Variants in ELMO2 observed in about 807,000 individuals in gnomAD.
The protein encoded by ELMO2 is engulfment and cell motility 2, also known as engulfment and cell motility protein 2.
In ELMO2, 37 loss-of-function variants were observed where a neutral mutation model predicts 96.2. The observed-to-expected ratio is 0.38, with a 90% confidence interval of 0.30 to 0.51. The LOEUF (loss-of-function observed/expected upper bound fraction) is 0.51. ELMO2 is among the 20% of genes least tolerant of loss of function. ELMO2 has a pLI of 0.88. For synonymous variants in ELMO2, 315 were observed against 329.4 expected (o/e 0.96, Z 0.47); for missense variants, 561 against 912.6 (o/e 0.61, Z 4.96).
Position 46,393,143 on chromosome 20 carries a change from T to A in ELMO2, c.193A>T (p.Thr65Ser), listed in dbSNP as rs1164888867. Residue 65 changes from threonine (T) to serine (S), a missense_variant and splice_region_variant, in exon 6 of 22, where the codon ACT becomes TCT. Transcript: ENST00000290246. ...GTCCCATTCTTAATGTCACTGCGAG[T>A]CTGGGTAGTGAAAAATAAACAAAAA... is the stretch of plus-strand genomic sequence containing the variant. ...DGPQLYITEQ[T>S]RSDIKNGTIL... The A allele has an allele frequency of 6.2e-7, 1 of 1,613,738 alleles. No individual in the cohort carries two copies. Among genetic ancestry groups the A allele is most frequent in the East Asian group, 2.2e-5 (1 of 44,890 alleles).
intron 7 of ELMO2, among the ~76,000 whole-genome samples, chr20:46,388,037 T>C (rs1244328848): frequency 1.3e-5 from 2 of 152,248 alleles, no homozygotes; most frequent in Non-Finnish European, 2.9e-5. Context: ...CTTTTTTCTC[T>C]TCTCCTTATA....
rs1568747792 is a variant in ELMO2 at position 46,371,442 on chromosome 20, G to T, written c.1711C>A (p.Arg571=). ...AGGACCTTGTGGTTCAGTGCCAACC[G>T]GCAGTACCAGAACCGTTCTGGAACA... is the stretch of plus-strand genomic sequence containing the variant. ...RRRQERFWYC[R]LALNHKVLHY... is the part of the protein sequence containing the mutation. Residue 571 remains arginine (R), a synonymous_variant, in exon 19 of 22, where the codon CGG becomes AGG. Transcript: ENST00000290246. This position sits in a 1 kb window ranked among gnomAD's most constrained non-coding sequence, Gnocchi z 5.9. 5 of 1,614,230 alleles carry T rather than the reference G, an allele frequency of 3.1e-6. No homozygotes were observed. Among genetic ancestry groups the T allele is most frequent in the Non-Finnish European group, 4.2e-6 (5 of 1,180,038 alleles).
chr20:46,371,502 T>TGTGCCCA lies in ELMO2; in HGVS notation c.1694-44_1694-43insTGGGCAC, dbSNP rs2059706342. 1.8e-5 allele frequency: 29 copies of TGTGCCCA among 1,612,604 alleles called. No individual in the cohort carries two copies. Among genetic ancestry groups the TGTGCCCA allele is most frequent in the Non-Finnish European group, 2.4e-5 (28 of 1,178,838 alleles). ...CCAAACAGGTGAGCAACGACAGTAC[T>TGTGCCCA]GGGAAAGGCCTGGGCACAAAAGGGG... On this transcript the variant is annotated intron_variant, in intron 18 of 21. Coordinates refer to ENST00000290246, the MANE Select transcript of ELMO2 (RefSeq NM_133171.5). The surrounding 1 kb of genome is among the most constrained non-coding windows in gnomAD (Gnocchi z 5.9).
At chr20:46,400,638 A>T (rs2060320372) in intron 1 of ELMO2, among the ~76,000 whole-genome samples, 1 of 152,248 alleles carries the variant, frequency 6.6e-6, no homozygotes, top group South Asian at 2.1e-4. Flanking sequence ...GATGATTTGG[A>T]AAACTCAAAA....
intron 1 of ELMO2, among the ~76,000 whole-genome samples, chr20:46,400,128 A>C (rs2145857132): frequency 6.6e-6 from 1 of 152,288 alleles, no homozygotes; most frequent in East Asian, 1.9e-4. Context: ...ACAAAGTGAG[A>C]TCCTGTCTCT....
Position 46,383,431 on chromosome 20 carries a change from A to G in ELMO2, c.741T>C (p.Pro247=). ...AGCCACAGACCTGTCGTTTGTCCTCAGGAGCCTTCAGAAAAAGTGCATTAA... is the reference window on the plus strand; with the variant it reads ...AGCCACAGACCTGTCGTTTGTCCTCGGGAGCCTTCAGAAAAAGTGCATTAA... ...ALINALFLKA[P]EDKRQDMANA... is the part of the protein sequence containing the mutation. Residue 247 remains proline (P), a synonymous_variant, in exon 10 of 22, where the codon CCT becomes CCC. Transcript: ENST00000290246. 6.2e-7 allele frequency: 1 copy of G among 1,614,224 alleles called. No homozygotes were observed. Among genetic ancestry groups the G allele is most frequent in the Non-Finnish European group, 8.5e-7 (1 of 1,180,014 alleles).
intron 2 of ELMO2, among the ~76,000 whole-genome samples, chr20:46,396,103 C>A (rs1011992963): frequency 6.6e-6 from 1 of 152,260 alleles, no homozygotes; most frequent in Non-Finnish European, 1.5e-5. Flanking sequence ...TCCATAACTT[C>A]TGCAGCTCAT....
intron 7 of ELMO2, among the ~76,000 whole-genome samples, chr20:46,387,958 G>A (rs1054689112): frequency 5.3e-5 from 8 of 152,280 alleles, no homozygotes; most frequent in African/African-American, 9.6e-5. Flanking sequence ...TTGTGGAGAC[G>A]ACAAGATGAT....
Position 46,371,709 on chromosome 20 carries a change from TGGA to T in ELMO2, c.1581-21_1581-19del, listed in dbSNP as rs748841493. The T allele has an allele frequency of 3.7e-6, 6 of 1,613,680 alleles. No individual in the cohort carries two copies. The African/African-American group carries it at 6.7e-5, about 18-fold the overall frequency. ...TCAGCTCCCTGGGGTGGACACACACTGGAGTGAGCGGAAGGTCATGGGGACAGT... is the reference window on the plus strand; with the variant it reads ...TCAGCTCCCTGGGGTGGACACACACTGTGAGCGGAAGGTCATGGGGACAGT... On this transcript the variant is annotated intron_variant, in intron 17 of 21. Coordinates refer to ENST00000290246, the MANE Select transcript of ELMO2 (RefSeq NM_133171.5). The surrounding 1 kb of genome is among the most constrained non-coding windows in gnomAD (Gnocchi z 5.9).
chr20:46,396,651 G>A (rs2060249544), intron 2 of ELMO2, among the ~76,000 whole-genome samples: 1 of 152,122 alleles, frequency 6.6e-6, no homozygotes. Flanking sequence ...CATTTGTTTA[G>A]TTTGGCTTCT....
At chr20:46,397,654 G>A (rs1284728476) in intron 2 of ELMO2, among the ~76,000 whole-genome samples, 2 of 152,086 alleles carry the variant, frequency 1.3e-5, no homozygotes, top group Non-Finnish European at 2.9e-5. Context: ...CTGGGCGACG[G>A]AATGAGACTC....
chr20:46,371,909 C>T lies in ELMO2; in HGVS notation c.1477G>A (p.Asp493Asn). 1.9e-6 allele frequency: 3 copies of T among 1,614,184 alleles called. No homozygotes were observed. Among genetic ancestry groups the T allele is most frequent in the Non-Finnish European group, 2.5e-6 (3 of 1,180,032 alleles). The change falls in exon 17 of 22, where the codon GAT (aspartate) becomes AAT (asparagine). Residue 493 changes from aspartate (D) to asparagine (N), a missense_variant. Coordinates refer to ENST00000290246, the MANE Select transcript of ELMO2 (RefSeq NM_133171.5). This position sits in a 1 kb window ranked among gnomAD's most constrained non-coding sequence, Gnocchi z 5.9. ...RALPSKPNSL[D>N]QFKSKLRSLS... The stretch of plus-strand genomic sequence containing the variant: ...CTACGCAATTTGCTCTTGAACTGAT[C>T]CAAAGAGTTGGGTTTGGAGGGCAAA...
At chr20:46,388,980 G>T in intron 7 of ELMO2, 59 bp downstream of exon 7, 1 of 1,541,652 alleles carries the variant, frequency 6.5e-7, no homozygotes, top group East Asian at 2.3e-5. Flanking sequence ...AGACTAGGAT[G>T]CCCTGTGGGA....
chr20:46,369,589 G>T (rs2059654169), intron 20 of ELMO2: 1 of 153,318 alleles, frequency 6.5e-6, no homozygotes, highest in African/African-American at 2.4e-5. Flanking sequence ...TTGACTGATG[G>T]AATGAGGCAC....
chr20:46,376,824 T>G, intron 11 of ELMO2: 1 of 1,286,556 alleles, frequency 7.8e-7, no homozygotes, highest in Non-Finnish European at 1.0e-6. Context: ...TCTAGGGCTG[T>G]GCTGTCCAGT....
At chr20:46,396,839 A>G (rs938953228) in intron 2 of ELMO2, among the ~76,000 whole-genome samples, 60 of 152,328 alleles carry the variant, frequency 3.9e-4, no homozygotes, top group African/African-American at 1.4e-3. Flanking sequence ...TTCTATTGAA[A>G]GATGTGAGTG....
At position 46,397,316 on chromosome 20, in the gene ELMO2, G is replaced by T. The variant is rs2060262644; in HGVS notation, c.-51+1381C>A. ...TCTCCACAACCCTGCCATAGCTGAT[G>T]GGACTAAAGTGAATACCCAACTTTA... On this transcript the variant is annotated intron_variant, in intron 2 of 21. Transcript: ENST00000290246. Among the ~76,000 whole-genome samples the T allele has an allele frequency of 1.3e-5, 2 of 152,182 alleles. 1 individual carries two copies. Among genetic ancestry groups the T allele is most frequent in the Admixed American group, 1.3e-4 (2 of 15,260 alleles).
intron 1 of ELMO2, among the ~76,000 whole-genome samples, chr20:46,401,029 G>A (rs1046977838): frequency 6.6e-6 from 1 of 152,194 alleles, no homozygotes; most frequent in African/African-American, 2.4e-5. Flanking sequence ...TTCAGGATAA[G>A]AACGGATGTG....
chr20:46,386,867 A>G (rs2060054306), intron 8 of ELMO2, among the ~76,000 whole-genome samples: 1 of 152,200 alleles, frequency 6.6e-6, no homozygotes, highest in Admixed American at 6.5e-5. Context: ...CCTTTGTGTA[A>G]AAGAAAGGAG....
Sources: allele counts gnomAD v4.1 joint callset (sites outside exome capture counted in the v4.1 genomes callset), GRCh38; gene constraint gnomAD v4.1.1; non-coding constraint Gnocchi (gnomAD v3.1); transcripts MANE v1.5; gene names NCBI Gene and HGNC (gene_info 2026-07-23, HGNC 2026-07-21).